C10orf90: variants seen among roughly 807,000 people sequenced by gnomAD.
C10orf90 encodes (E2-independent) E3 ubiquitin-conjugating enzyme FATS.
A neutral mutation model predicts 62.5 loss-of-function variants in C10orf90; 56 were observed. The ratio of observed to expected loss-of-function variants is 0.90; its 90% CI spans 0.72 to 1.12. The LOEUF (loss-of-function observed/expected upper bound fraction) is 1.12. Among genes scored for constraint, C10orf90 ranks in the 50% most tolerant of loss-of-function variants. The pLI is 0.00. For synonymous variants in C10orf90, 386 were observed against 340.4 expected (o/e 1.13, Z -1.47); for missense variants, 970 against 880.4 (o/e 1.10, Z -1.29).
At chr10:126,460,554 A>G (rs1036040871) in intron 6 of C10orf90, among the ~76,000 whole-genome samples, 1 of 152,220 alleles carries the variant, frequency 6.6e-6, no homozygotes, top group Non-Finnish European at 1.5e-5. Context: ...CACAAGGTAC[A>G]AGTCACTGGA....
intron 2 of C10orf90, among the ~76,000 whole-genome samples, chr10:126,558,702 A>T (rs1376843001): frequency 6.6e-6 from 1 of 152,060 alleles, no homozygotes; most frequent in East Asian, 1.9e-4. Flanking sequence ...TCAAACTCAC[A>T]CTGTTGGAAC....
At chr10:126,639,104 T>C (rs1591165529) in intron 2 of C10orf90, among the ~76,000 whole-genome samples, 1 of 152,336 alleles carries the variant, frequency 6.6e-6, no homozygotes, top group African/African-American at 2.4e-5. Flanking sequence ...CCGTGAGTGG[T>C]GGTTTTCACA....
intron 2 of C10orf90, among the ~76,000 whole-genome samples, chr10:126,568,024 T>C (rs1309286159): frequency 6.6e-6 from 1 of 151,918 alleles, no homozygotes; most frequent in Admixed American, 6.5e-5. Context: ...AGAAGCAAAG[T>C]GGAAGCTTAG....
At chr10:126,618,939 G>A (rs1845593404) in intron 2 of C10orf90, among the ~76,000 whole-genome samples, 1 of 152,138 alleles carries the variant, frequency 6.6e-6, no homozygotes. Context: ...ATGCCCATGA[G>A]CGGTAGGCTG....
intron 3 of C10orf90, among the ~76,000 whole-genome samples, chr10:126,505,863 A>G (rs566049202): frequency 6.6e-5 from 10 of 152,336 alleles, no homozygotes; most frequent in African/African-American, 2.2e-4. Flanking sequence ...CTGAGGCAGG[A>G]GAATCGCTTG....
chr10:126,568,442 C>T (rs1045068795), intron 2 of C10orf90, among the ~76,000 whole-genome samples: 10 of 152,158 alleles, frequency 6.6e-5, no homozygotes, highest in African/African-American at 2.2e-4. Context: ...CCATATAGCC[C>T]CTCCGTCTTC....
At position 126,513,746 on chromosome 10, in the gene C10orf90, TAAATA is replaced by T. The variant is rs1863271121; in HGVS notation, c.405+97_405+101del. 1.8e-5 allele frequency: 13 copies of T among 709,618 alleles called. No homozygotes were observed. In the South Asian group the frequency reaches 2.0e-4, roughly 11 times the overall value. 44.0% of individuals were successfully genotyped at this position (709,618 alleles called of 1,614,324 possible). On this transcript the variant is annotated intron_variant, in intron 3 of 9. Coordinates refer to ENST00000488181, the MANE Select transcript of C10orf90 (RefSeq NM_001350921.2). The stretch of plus-strand genomic sequence containing the variant: ...TTTGCTACATTAATTCAATTTTGAC[TAAATA>T]AAATAAAATGCAATCACATCACAAG...
intron 2 of C10orf90, among the ~76,000 whole-genome samples, chr10:126,602,659 G>A (rs565198072): frequency 6.6e-6 from 1 of 152,084 alleles, no homozygotes; most frequent in Non-Finnish European, 1.5e-5. Flanking sequence ...TGATCTGTAA[G>A]CTCATTTGCT....
At chr10:126,441,150 A>G (rs1858293962) in intron 7 of C10orf90, among the ~76,000 whole-genome samples, 1 of 152,162 alleles carries the variant, frequency 6.6e-6, no homozygotes, top group African/African-American at 2.4e-5. Flanking sequence ...CAAGAAGTGA[A>G]GGGAGAAATA....
intron 6 of C10orf90, among the ~76,000 whole-genome samples, chr10:126,459,867 C>T (rs1471788207): frequency 6.6e-6 from 1 of 152,140 alleles, no homozygotes; most frequent in East Asian, 1.9e-4. Context: ...GTCTCCTGAA[C>T]AAGACTAACT....
In C10orf90 at chr10:126,505,075, G is replaced by A; in HGVS notation, c.416C>T (p.Ala139Val). The A allele has an allele frequency of 6.2e-7, 1 of 1,605,454 alleles. No homozygotes were observed. The highest frequency in any genetic ancestry group is 8.5e-7 in the Non-Finnish European group (1 of 1,174,742). ...AKSDFTKETL[A>V]SQNTKMISSI... The stretch of plus-strand genomic sequence containing the variant: ...TGAAATCATTTTTGTGTTTTGTGAT[G>A]CCAGGGTCTCCTGCAAATAGAAAAA... The change falls in exon 4 of 10, where the codon GCA becomes GTA. Residue 139 changes from alanine (A) to valine (V), a missense_variant. Physicochemically the swap from Ala to Val is moderately conservative, Grantham distance 64. Coordinates refer to ENST00000488181, the MANE Select transcript of C10orf90 (RefSeq NM_001350921.2).
chr10:126,512,747 G>A (rs1055640503), intron 3 of C10orf90, among the ~76,000 whole-genome samples: 1 of 152,076 alleles, frequency 6.6e-6, no homozygotes, highest in African/African-American at 2.4e-5. Context: ...TGCTCCGAGG[G>A]AACAAATTAA....
intron 2 of C10orf90, among the ~76,000 whole-genome samples, chr10:126,546,658 C>T (rs1000333749): frequency 2.6e-5 from 4 of 152,182 alleles, no homozygotes; most frequent in South Asian, 4.1e-4. Context: ...ATGAGGATTT[C>T]CCCCCTCTTG....
intron 3 of C10orf90, among the ~76,000 whole-genome samples, chr10:126,508,142 A>G (rs1862868591): frequency 7.1e-6 from 1 of 141,196 alleles, no homozygotes; most frequent in Admixed American, 7.4e-5. Flanking sequence ...GAAACCACCT[A>G]GAGTGAATGA....
intron 7 of C10orf90, among the ~76,000 whole-genome samples, chr10:126,438,897 G>C (rs1858108406): frequency 6.6e-6 from 1 of 151,758 alleles, no homozygotes. Context: ...CCAGACCCTG[G>C]AGTTGTGTTC....
intron 5 of C10orf90, among the ~76,000 whole-genome samples, chr10:126,462,311 A>C (rs1860037779): frequency 1.3e-5 from 2 of 151,928 alleles, no homozygotes. Flanking sequence ...CTTCCCCTCA[A>C]CACAGCACCC....
At chr10:126,536,020 T>C (rs1478335786) in intron 2 of C10orf90, among the ~76,000 whole-genome samples, 1 of 152,096 alleles carries the variant, frequency 6.6e-6, no homozygotes, top group Non-Finnish European at 1.5e-5. Flanking sequence ...TCAGCCCTTA[T>C]AAAGGGCCAT....
At chr10:126,626,995 CTTTTCTTT>C (rs1256456128) in intron 2 of C10orf90, among the ~76,000 whole-genome samples, 3 of 109,548 alleles carry the variant, frequency 2.7e-5, no homozygotes, top group Non-Finnish European at 1.9e-5. Flanking sequence ...TTTTCTTTTT[CTTTTCTTT>C]TTTTTTTTTT....
At chr10:126,568,502 G>A (rs1322651001) in intron 2 of C10orf90, among the ~76,000 whole-genome samples, 1 of 152,154 alleles carries the variant, frequency 6.6e-6, no homozygotes, top group Non-Finnish European at 1.5e-5. Context: ...CTCAGGAAGG[G>A]CAGGACCTTT....
Sources: gnomAD v4.1 joint callset for allele counts (sites outside exome capture counted in the v4.1 genomes callset) on GRCh38, gnomAD v4.1.1 for gene constraint, MANE v1.5 for transcripts, NCBI Gene and HGNC (gene_info 2026-07-23, HGNC 2026-07-21) for gene names.